ATP8B4: variants seen among roughly 807,000 people sequenced by gnomAD.
The protein encoded by ATP8B4 is probable phospholipid-transporting ATPase IM.
ATP8B4 carries 133 observed loss-of-function variants against 145.6 expected under a neutral mutation model. That is an observed-to-expected ratio of 0.91 (90% CI 0.79 to 1.05). ATP8B4 has a LOEUF of 1.05. Among genes scored for constraint, ATP8B4 ranks in the 50% least tolerant of loss-of-function variants. The pLI, the probability that ATP8B4 is intolerant of heterozygous loss-of-function variation, is 0.00. For synonymous variants in ATP8B4, 507 were observed against 492.9 expected, an observed-to-expected ratio of 1.03 and a Z score of -0.38; for missense variants, 1,458 against 1,425.2, an observed-to-expected ratio of 1.02 and a Z score of -0.37.
At chr15:49,946,499 T>TC (rs1169399157) in intron 14 of ATP8B4, among the ~76,000 whole-genome samples, 2 of 152,200 alleles carry the variant, frequency 1.3e-5, no homozygotes, top group Non-Finnish European at 2.9e-5. Flanking sequence ...CAGACTGGGT[T>TC]CCCCAATTTC....
rs2051576728 is a variant in ATP8B4, at chr15:50,044,606, G to A, written c.288C>T (p.Ala96=). 6.2e-7 allele frequency: 1 copy of A among 1,609,006 alleles called. No individual in the cohort carries two copies. The highest frequency in any genetic ancestry group is 8.5e-7 in the Non-Finnish European group (1 of 1,176,004). The part of the protein sequence containing the change: ...LVITMTAVKD[A]TDDYFRHKSD... ...AGCAAATACTCACATAGTCATCTGTGGCATCTTTGACAGCTGTCATAGTTA... is the reference window on the plus strand; with the variant it reads ...AGCAAATACTCACATAGTCATCTGTAGCATCTTTGACAGCTGTCATAGTTA... The change falls in exon 5 of 28, where the codon GCC becomes GCT. Residue 96 remains alanine, a synonymous_variant. Coordinates refer to ENST00000284509, the MANE Select transcript of ATP8B4 (RefSeq NM_024837.4).
intron 6 of ATP8B4, among the ~76,000 whole-genome samples, chr15:50,023,601 G>A (rs535221331): frequency 6.9e-4 from 104 of 151,598 alleles, no homozygotes; most frequent in Non-Finnish European, 1.2e-3. Context: ...TTCATCCTTA[G>A]AAAGAGAGTA....
intron 7 of ATP8B4, among the ~76,000 whole-genome samples, chr15:50,003,286 G>C (rs1347357974): frequency 6.6e-6 from 1 of 151,432 alleles, no homozygotes; most frequent in Non-Finnish European, 1.5e-5. Context: ...GTGTGTGTGT[G>C]TGTGTGTGTG....
intron 23 of ATP8B4, chr15:49,883,466 T>G (rs1034184524): frequency 1.4e-4 from 21 of 152,218 alleles, no homozygotes; most frequent in Admixed American, 9.2e-4. Flanking sequence ...TCAGAAGTTT[T>G]GCTGCCACTC....
intron 1 of ATP8B4, among the ~76,000 whole-genome samples, chr15:50,157,563 G>T (rs943502903): frequency 2.0e-5 from 3 of 152,096 alleles, no homozygotes; most frequent in Admixed American, 2.0e-4. Flanking sequence ...CTCCAGGTTT[G>T]TTGTTGTTTG....
chr15:49,861,403 T>TGA (rs1491519593), intron 27 of ATP8B4, among the ~76,000 whole-genome samples: 1 of 40,170 alleles, frequency 2.5e-5, no homozygotes, highest in Admixed American at 2.3e-4. Context: ...TAAAAAAAAA[T>TGA]GTGTGTGTGT....
At chr15:50,061,441 G>C (rs1600138469) in intron 3 of ATP8B4, among the ~76,000 whole-genome samples, 1 of 152,096 alleles carries the variant, frequency 6.6e-6, no homozygotes, top group Non-Finnish European at 1.5e-5. Context: ...TAGCATATAG[G>C]CCCTGAACGG....
intron 2 of ATP8B4, among the ~76,000 whole-genome samples, chr15:50,089,727 G>A (rs937233596): frequency 2.6e-5 from 4 of 151,540 alleles, no homozygotes; most frequent in Admixed American, 6.6e-5. Flanking sequence ...GCAATGGCGC[G>A]ATCTTGAGAA....
Position 49,869,864 on chromosome 15 carries a change from AACT to A in ATP8B4, c.3028-3383_3028-3381del, listed in dbSNP as rs112656530. On this transcript the variant is annotated intron_variant, in intron 25 of 27. Coordinates refer to ENST00000284509, the MANE Select transcript of ATP8B4 (RefSeq NM_024837.4). ...AATTTTTAAAGTGTCTGTCATTTGG[AACT>A]ACTATCTTTTTGAGAACGTATTATG... Among the ~76,000 whole-genome samples the A allele has an allele frequency of 5.8e-3, 889 of 152,300 alleles. 10 individuals are homozygous for A. Among genetic ancestry groups the A allele is most frequent in the African/African-American group, 0.02 (843 of 41,570 alleles).
At chr15:49,901,334 AC>A in intron 20 of ATP8B4, 95 bp from the exon 21 acceptor site, 1 of 1,300,004 alleles carries the variant, frequency 7.7e-7, no homozygotes. Context: ...AATTTATTTC[AC>A]CACTATTCAG....
intron 7 of ATP8B4, chr15:50,009,653 G>A: frequency 2.2e-6 from 1 of 454,826 alleles, no homozygotes; most frequent in Non-Finnish European, 4.4e-6. Context: ...ACCTTCCAGG[G>A]TATTATTCCT....
At chr15:49,991,888 A>G (rs2047072607) in intron 9 of ATP8B4, among the ~76,000 whole-genome samples, 1 of 152,278 alleles carries the variant, frequency 6.6e-6, no homozygotes, top group East Asian at 1.9e-4. Context: ...CTTTGGGTTT[A>G]GAATATTTTA....
Position 50,027,492 on chromosome 15 carries a change from T to C in ATP8B4, c.362+11276A>G, listed in dbSNP as rs182317103. 6.6e-5 allele frequency among the ~76,000 whole-genome samples: 10 copies of C among 152,288 alleles called. No individual in the cohort carries two copies. In the East Asian group the frequency reaches 1.4e-3, roughly 21 times the overall value. ...CTGAGGAAGCCCTAGTACATGCTGA[T>C]TGACACTGAGCCAGCTAGATTATCT... is the stretch of plus-strand genomic sequence containing the variant. On this transcript the variant is annotated intron_variant, in intron 6 of 27. Transcript: ENST00000284509.
At chr15:50,037,088 T>C (rs1599958097) in intron 6 of ATP8B4, among the ~76,000 whole-genome samples, 1 of 152,354 alleles carries the variant, frequency 6.6e-6, no homozygotes, top group East Asian at 1.9e-4. Context: ...ATTAATCCCA[T>C]AGCCTCCAAA....
At chr15:49,969,856 C>G (rs146536186) in intron 13 of ATP8B4, among the ~76,000 whole-genome samples, 64 of 152,256 alleles carry the variant, frequency 4.2e-4, no homozygotes, top group African/African-American at 1.4e-3. Context: ...TGATGAACAT[C>G]AGTGCGAAAA....
At chr15:50,028,082 A>G (rs1412484591) in intron 6 of ATP8B4, among the ~76,000 whole-genome samples, 5 of 152,136 alleles carry the variant, frequency 3.3e-5, no homozygotes, top group Non-Finnish European at 7.4e-5. Context: ...TCTCAATTAT[A>G]TTTCCCAGGC....
intron 16 of ATP8B4, among the ~76,000 whole-genome samples, chr15:49,929,179 G>T (rs2041020504): frequency 6.6e-6 from 1 of 152,084 alleles, no homozygotes; most frequent in Non-Finnish European, 1.5e-5. Flanking sequence ...TAAAAGACCA[G>T]ATTTTGGAAA....
rs187713941 is a variant in ATP8B4 at position 50,116,564 on chromosome 15, T to G, written c.-43+2559A>C. ...GAATCATCAACATATAAGGAAGGAG[T>G]GAAGTCAAGGGGGAATGAATGACCT... On this transcript the variant is annotated intron_variant, in intron 1 of 27. Coordinates refer to ENST00000284509, the MANE Select transcript of ATP8B4 (RefSeq NM_024837.4). Among the ~76,000 whole-genome samples, 305 of 151,232 alleles carry G rather than the reference T, an allele frequency of 2.0e-3. 1 individual carries two copies. The highest frequency in any genetic ancestry group is 7.3e-3 in the African/African-American group (299 of 41,140).
intron 1 of ATP8B4, among the ~76,000 whole-genome samples, chr15:50,136,652 CT>C (rs112880768): frequency 7.5e-4 from 114 of 152,250 alleles, no homozygotes; most frequent in African/African-American, 2.6e-3. Flanking sequence ...GGGGTTTACC[CT>C]TTGTGATGTG....
Sources: gnomAD v4.1 joint callset for allele counts (sites outside exome capture counted in the v4.1 genomes callset) on GRCh38, gnomAD v4.1.1 for gene constraint, MANE v1.5 for transcripts, NCBI Gene and HGNC (gene_info 2026-07-23, HGNC 2026-07-21) for gene names.